KAZN: variants seen among roughly 807,000 people sequenced by gnomAD.
The protein encoded by KAZN is kazrin, periplakin interacting protein.
A neutral mutation model predicts 87.4 loss-of-function variants in KAZN; 40 were observed. That is an observed-to-expected ratio of 0.46 (90% CI 0.36 to 0.60). KAZN has a LOEUF of 0.60. KAZN is among the 20% of genes least tolerant of loss of function. The probability of loss-of-function intolerance (pLI) is 0.00; values close to 1 mark genes in which losing one functional copy is unlikely to be tolerated. For synonymous variants in KAZN, 466 were observed against 458.3 expected (o/e 1.02, Z -0.22); for missense variants, 898 against 1,073.9 (o/e 0.84, Z 2.29).
intron 2 of KAZN, among the ~76,000 whole-genome samples, chr1:14,466,837 CG>C (rs894851407): frequency 2.0e-5 from 3 of 152,026 alleles, no homozygotes; most frequent in Non-Finnish European, 4.4e-5. Flanking sequence ...GTTGTGGTGG[CG>C]GGCGCCTGTG....
chr1:13,947,418 T>A (rs1237424462), intron 1 of KAZN, among the ~76,000 whole-genome samples: 2 of 152,108 alleles, frequency 1.3e-5, no homozygotes, highest in South Asian at 2.1e-4. Context: ...TCCAATCACC[T>A]CCCACCTGGT....
intron 2 of KAZN, among the ~76,000 whole-genome samples, chr1:14,587,875 C>A (rs1435525158): frequency 1.3e-5 from 2 of 152,146 alleles, no homozygotes; most frequent in African/African-American, 4.8e-5. Flanking sequence ...GATGACTGTT[C>A]CAACATCATC....
At chr1:14,749,328 C>A (rs1187337201) in intron 1 of KAZN, among the ~76,000 whole-genome samples, 2 of 152,194 alleles carry the variant, frequency 1.3e-5, no homozygotes, top group Non-Finnish European at 2.9e-5. Flanking sequence ...TCCCATACTA[C>A]CATAAACACA....
chr1:14,865,507 T>C (rs907888853), intron 1 of KAZN, among the ~76,000 whole-genome samples: 1 of 152,188 alleles, frequency 6.6e-6, no homozygotes, highest in Admixed American at 6.5e-5. Flanking sequence ...CCTTCCCTCA[T>C]GGCAGAAGCC....
chr1:14,566,666 C>T (rs966004509), intron 2 of KAZN, among the ~76,000 whole-genome samples: 30 of 152,244 alleles, frequency 2.0e-4, no homozygotes, highest in Non-Finnish European at 7.3e-5. Flanking sequence ...CGATCCTAGG[C>T]TGGATCTTCT....
intron 1 of KAZN, among the ~76,000 whole-genome samples, chr1:14,130,221 T>C (rs564264630): frequency 1.3e-5 from 2 of 152,298 alleles, no homozygotes; most frequent in Admixed American, 6.5e-5. Flanking sequence ...GAGCATGGTA[T>C]TGTGGTCTCT....
chr1:15,085,369 C>G (rs1432206974), intron 8 of KAZN, among the ~76,000 whole-genome samples: 1 of 152,150 alleles, frequency 6.6e-6, no homozygotes, highest in Non-Finnish European at 1.5e-5. Context: ...ACTCTGTCAC[C>G]CAGGCTAGAG....
chr1:14,193,647 A>G (rs531664606), intron 2 of KAZN, among the ~76,000 whole-genome samples: 1 of 130,776 alleles, frequency 7.6e-6, no homozygotes, highest in South Asian at 2.6e-4. Context: ...TCACAAACTA[A>G]GAAAGACTAA....
chr1:14,864,124 A>G (rs1176951733), intron 1 of KAZN, among the ~76,000 whole-genome samples: 1 of 152,050 alleles, frequency 6.6e-6, no homozygotes, highest in Non-Finnish European at 1.5e-5. Context: ...GGAGGATTCT[A>G]CCCCCACCAG....
In KAZN at chr1:14,117,654, G is replaced by A. The variant is rs72862588; in HGVS notation, c.92-62781G>A. Among the ~76,000 whole-genome samples, 520 of 152,146 alleles carry A rather than the reference G, an allele frequency of 3.4e-3. 3 individuals are homozygous for A. The highest frequency in any genetic ancestry group is 0.012 in the African/African-American group (498 of 41,502). On this transcript the variant is annotated intron_variant, in intron 1 of 16. Transcript: ENST00000636203. ...AAAGATGGGCCCCTTCTAAAGACAG[G>A]CATAACCCAGATCTGAATCCCAGAT... is the stretch of plus-strand genomic sequence containing the variant.
At chr1:14,828,290 G>A (rs1646955631) in intron 1 of KAZN, among the ~76,000 whole-genome samples, 1 of 152,170 alleles carries the variant, frequency 6.6e-6, no homozygotes, top group Admixed American at 6.5e-5. Context: ...TCACTGCACT[G>A]TGTAAATATT....
chr1:14,808,634 A>T (rs775187129), intron 1 of KAZN, among the ~76,000 whole-genome samples: 1 of 152,122 alleles, frequency 6.6e-6, no homozygotes, highest in African/African-American at 2.4e-5. Flanking sequence ...CCTCTTTCAG[A>T]GATGACATGT....
intron 2 of KAZN, among the ~76,000 whole-genome samples, chr1:14,340,458 G>T (rs1023125505): frequency 6.6e-6 from 1 of 152,190 alleles, no homozygotes; most frequent in African/African-American, 2.4e-5. Flanking sequence ...ACAACAATTT[G>T]GGTGTAACCC....
At chr1:14,164,315 C>A (rs1372125654) in intron 1 of KAZN, among the ~76,000 whole-genome samples, 1 of 152,096 alleles carries the variant, frequency 6.6e-6, no homozygotes, top group Non-Finnish European at 1.5e-5. Flanking sequence ...CTTTAGATGG[C>A]ACATTCACAT....
intron 1 of KAZN, among the ~76,000 whole-genome samples, chr1:14,152,135 G>T (rs1468159851): frequency 6.6e-6 from 1 of 151,884 alleles, no homozygotes; most frequent in African/African-American, 2.4e-5. Flanking sequence ...GGGTAAATGG[G>T]GCATCCATCA....
intron 2 of KAZN, among the ~76,000 whole-genome samples, chr1:14,529,047 T>A (rs1672067694): frequency 6.6e-6 from 1 of 152,166 alleles, no homozygotes; most frequent in African/African-American, 2.4e-5. Context: ...CTCATGCCTG[T>A]AATCCCAGCA....
At chr1:14,915,904 A>C (rs1337308624) in intron 1 of KAZN, among the ~76,000 whole-genome samples, 1 of 152,164 alleles carries the variant, frequency 6.6e-6, no homozygotes, top group Non-Finnish European at 1.5e-5. Context: ...CATGGCTATG[A>C]GTATGGACCT....
At chr1:14,199,323 C>T (rs1026734463) in intron 2 of KAZN, among the ~76,000 whole-genome samples, 1 of 152,174 alleles carries the variant, frequency 6.6e-6, no homozygotes, top group African/African-American at 2.4e-5. Flanking sequence ...TCCGATCTCC[C>T]ACCTTTGAAC....
chr1:14,164,534 CTTTTTTT>C (rs1168650321), intron 1 of KAZN, among the ~76,000 whole-genome samples: 3,115 of 93,742 alleles, frequency 0.033, 148 homozygotes, highest in African/African-American at 0.13. Context: ...TGAGTTTCCT[CTTTTTTT>C]TTTTTTTTTT....
Sources: gnomAD v4.1 joint callset for allele counts (sites outside exome capture counted in the v4.1 genomes callset) on GRCh38, gnomAD v4.1.1 for gene constraint, MANE v1.5 for transcripts, NCBI Gene and HGNC (gene_info 2026-07-23, HGNC 2026-07-21) for gene names.